The following INO80 variants were observed in gnomAD, a reference collection of about 807,000 sequenced individuals.
INO80 encodes chromatin-remodeling ATPase INO80.
In INO80, 20 loss-of-function variants were observed where a neutral mutation model predicts 203.4. That is an observed-to-expected ratio of 0.10 (90% confidence interval 0.07 to 0.14). INO80 has a LOEUF of 0.14. Among genes scored for constraint, INO80 ranks in the 10% least tolerant of loss-of-function variants. The pLI is 1.00. For synonymous variants in INO80, 726 were observed against 685.2 expected (o/e 1.06, Z -0.93); for missense variants, 1,419 against 1,914.4 (o/e 0.74, Z 4.83).
intron 25 of INO80, among the ~76,000 whole-genome samples, chr15:41,022,762 T>C (rs2044313189): frequency 6.6e-6 from 1 of 152,118 alleles, no homozygotes; most frequent in South Asian, 2.1e-4. Context: ...AAATAGTTTA[T>C]CCAAACAATA....
At chr15:41,054,847 A>G (rs561046867) in intron 18 of INO80, among the ~76,000 whole-genome samples, 1 of 152,278 alleles carries the variant, frequency 6.6e-6, no homozygotes, top group South Asian at 2.1e-4. Flanking sequence ...CATGTTGGCC[A>G]GGTTGGTCTT....
chr15:40,993,727 C>G (rs1243599636), intron 29 of INO80, among the ~76,000 whole-genome samples: 1 of 151,954 alleles, frequency 6.6e-6, no homozygotes, highest in Non-Finnish European at 1.5e-5. Flanking sequence ...CCACTGCACT[C>G]CAGCCTGAAT....
chr15:40,997,921 A>G (rs541110113), intron 28 of INO80, among the ~76,000 whole-genome samples: 1 of 152,004 alleles, frequency 6.6e-6, no homozygotes, highest in Admixed American at 6.6e-5. Flanking sequence ...TCTCACTGTC[A>G]TATTTTTAAA....
Position 41,096,362 on chromosome 15 carries a change from C to G in INO80, c.-43-9G>C. 2.0e-6 allele frequency: 3 copies of G among 1,503,664 alleles called. No individual in the cohort carries two copies. The highest frequency in any genetic ancestry group is 5.1e-5 in the Admixed American group (2 of 39,536). 93.1% of individuals were successfully genotyped at this position (1,503,664 alleles called of 1,614,324 possible). ...GACCTCCGACTGCACGGCTGCAGAA[C>G]AGAGATAAGAAGTGAAAGATGAAAT... On this transcript the variant is annotated splice_polypyrimidine_tract_variant and intron_variant, in intron 1 of 35. Transcript: ENST00000648947.
At position 41,020,875 on chromosome 15, in the gene INO80, C is replaced by T. The variant is rs376173994; in HGVS notation, c.3274+25G>A. The T allele has an allele frequency of 1.3e-5, 19 of 1,463,288 alleles. No individual in the cohort carries two copies. In the Middle Eastern group the frequency reaches 7.0e-4, roughly 54 times the overall value. 90.6% of individuals were successfully genotyped at this position (1,463,288 alleles called of 1,614,324 possible). ...TCTCCCCTTGCCAAAGCGAGGAACACATTCCAAGAGGATTGAGAACTCACC... is the reference window on the plus strand; with the variant it reads ...TCTCCCCTTGCCAAAGCGAGGAACATATTCCAAGAGGATTGAGAACTCACC... On this transcript the variant is annotated intron_variant, in intron 26 of 35. Coordinates refer to ENST00000648947, the MANE Select transcript of INO80 (RefSeq NM_017553.3).
chr15:41,110,266 T>A (rs1213278481), intron 1 of INO80, among the ~76,000 whole-genome samples: 1 of 151,650 alleles, frequency 6.6e-6, no homozygotes, highest in Non-Finnish European at 1.5e-5. Flanking sequence ...TGCCTCAGCC[T>A]CCCAAGTAGC....
chr15:41,003,122 AAAAAAC>A (rs992973572), intron 28 of INO80, among the ~76,000 whole-genome samples: 6 of 96,142 alleles, frequency 6.2e-5, no homozygotes, highest in African/African-American at 1.4e-4. Context: ...TCTGTCTCAG[AAAAAAC>A]AAAAACAAAA....
chr15:41,060,092 T>C (rs925780809), intron 14 of INO80, among the ~76,000 whole-genome samples, 166 bp from the exon 15 acceptor site: 1 of 152,188 alleles, frequency 6.6e-6, no homozygotes, highest in African/African-American at 2.4e-5. Context: ...GTTGTCCAAA[T>C]AGAAAGACAC....
At chr15:41,060,363 C>T (rs190744517) in intron 14 of INO80, among the ~76,000 whole-genome samples, 28 of 152,024 alleles carry the variant, frequency 1.8e-4, no homozygotes, top group Admixed American at 9.2e-4. Context: ...TCGAGGCAGG[C>T]GGATCACCTG....
intron 16 of INO80, 145 bp downstream of exon 16, chr15:41,058,494 C>T (rs2045036240): frequency 1.3e-6 from 1 of 774,888 alleles, no homozygotes; most frequent in African/African-American, 1.8e-5. Flanking sequence ...GACCTTGTCT[C>T]TATTAAAAAA....
chr15:40,982,192 G>A (rs1323824158), intron 35 of INO80, among the ~76,000 whole-genome samples: 1 of 152,200 alleles, frequency 6.6e-6, no homozygotes, highest in Non-Finnish European at 1.5e-5. Flanking sequence ...TGTCACCCAT[G>A]CTGGAGTGCA....
Position 41,005,695 on chromosome 15 carries a change from C to T in INO80, c.3403-8G>A. On this transcript the variant is annotated splice_polypyrimidine_tract_variant and splice_region_variant and intron_variant, in intron 27 of 35. Transcript: ENST00000648947. Reference sequence around the variant, plus strand: ...CCTGTAAACCATGTATTCCTGCCAACCAGGATAAAAGGACACAGTAAATCT... The same window carrying T: ...CCTGTAAACCATGTATTCCTGCCAATCAGGATAAAAGGACACAGTAAATCT... 2 of 1,497,544 alleles carry T rather than the reference C, an allele frequency of 1.3e-6. No individual in the cohort carries two copies. Among genetic ancestry groups the T allele is most frequent in the Non-Finnish European group, 1.9e-6 (2 of 1,075,908 alleles). The allele number at this position is 1,497,544 out of a possible 1,614,324, so 92.8% of individuals were successfully genotyped here.
chr15:41,050,396 A>G (rs1357254007), intron 19 of INO80, among the ~76,000 whole-genome samples: 1 of 152,214 alleles, frequency 6.6e-6, no homozygotes, highest in Admixed American at 6.5e-5. Context: ...TCCCAAACAT[A>G]ACCCAGGCCA....
chr15:40,993,850 T>C (rs975141276), intron 29 of INO80, among the ~76,000 whole-genome samples: 14 of 152,166 alleles, frequency 9.2e-5, no homozygotes, highest in African/African-American at 3.4e-4. Context: ...CTGGGTGATA[T>C]TGCCACTTAA....
chr15:41,063,724 T>C (rs898732778), intron 14 of INO80, among the ~76,000 whole-genome samples: 10 of 152,012 alleles, frequency 6.6e-5, no homozygotes, highest in African/African-American at 7.2e-5. Flanking sequence ...TGAGCTGAGA[T>C]TGCGCCACTG....
At chr15:41,068,656 G>A (rs1173914874) in intron 14 of INO80, among the ~76,000 whole-genome samples, 1 of 151,456 alleles carries the variant, frequency 6.6e-6, no homozygotes, top group Non-Finnish European at 1.5e-5. Flanking sequence ...TCAAGAGTTT[G>A]AGACCAGCCT....
At chr15:40,996,831 TC>T (rs1296910313) in intron 29 of INO80, among the ~76,000 whole-genome samples, 1 of 152,206 alleles carries the variant, frequency 6.6e-6, no homozygotes, top group Non-Finnish European at 1.5e-5. Flanking sequence ...AACAAAACAA[TC>T]CTTTCTGATG....
At chr15:41,095,432 T>C (rs963936165) in intron 4 of INO80, among the ~76,000 whole-genome samples, 169 bp downstream of exon 4, 17 of 152,202 alleles carry the variant, frequency 1.1e-4, no homozygotes, top group African/African-American at 3.4e-4. Flanking sequence ...AATGACTTCA[T>C]TGAATCCTCC....
intron 7 of INO80, among the ~76,000 whole-genome samples, chr15:41,083,707 C>A (rs567453529): frequency 7.8e-6 from 1 of 127,832 alleles, no homozygotes. Flanking sequence ...GACGAGACTC[C>A]GTCTCAAAAA....
Sources: gnomAD v4.1 joint callset for allele counts (sites outside exome capture counted in the v4.1 genomes callset) on GRCh38, gnomAD v4.1.1 for gene constraint, MANE v1.5 for transcripts, NCBI Gene and HGNC (gene_info 2026-07-23, HGNC 2026-07-21) for gene names.